Variants in CNTROB observed in about 807,000 individuals in gnomAD.
CNTROB encodes the protein centrobin, centriole duplication and spindle assembly protein.
Under a neutral mutation model 115.7 loss-of-function variants are expected in CNTROB, and 82 were observed. The observed-to-expected ratio is 0.71, with a 90% confidence interval of 0.59 to 0.85. The LOEUF (loss-of-function observed/expected upper bound fraction) is 0.85, where lower values mean the gene tolerates loss of function less well. CNTROB is among the 40% of genes least tolerant of loss of function. The pLI, the probability that CNTROB is intolerant of heterozygous loss-of-function variation, is 0.00. For missense variants in CNTROB, 1,014 were observed against 1,144.4 expected, an observed-to-expected ratio of 0.89 and a Z score of 1.64; for synonymous variants, 439 against 456.4, an observed-to-expected ratio of 0.96 and a Z score of 0.49.
In CNTROB at chr17:7,939,621, C is replaced by T; in HGVS notation, c.1036C>T (p.Arg346Ter). 6.2e-7 allele frequency: 1 copy of T among 1,613,894 alleles called. No individual in the cohort carries two copies. Among genetic ancestry groups the T allele is most frequent in the Non-Finnish European group, 8.5e-7 (1 of 1,179,980 alleles). Residue 346 changes from arginine (R) to a stop codon, truncating the protein, a stop_gained, in exon 8 of 19, where the codon CGA (arginine) becomes TGA (stop). Coordinates refer to ENST00000563694, the MANE Select transcript of CNTROB (RefSeq NM_053051.5). LOFTEE classifies it high-confidence loss of function. This position sits in a 1 kb window ranked among gnomAD's most constrained non-coding sequence, Gnocchi z 4.4. ...TCGGGCTGGGCAACTGAGTGAGCAT[C>T]GAGAGTTGGAGACTCTTCGGGCTGC... The part of the protein sequence containing the change: ...AARAGQLSEH[R>*]ELETLRAALE...
chr17:7,933,089 T>A lies in CNTROB; in HGVS notation c.10T>A (p.Ser4Thr), dbSNP rs1044358176. 16 of 1,613,872 alleles carry A rather than the reference T, an allele frequency of 9.9e-6. No homozygotes were observed. Among genetic ancestry groups the A allele is most frequent in the Non-Finnish European group, 1.4e-5 (16 of 1,179,888 alleles). Residue 4 changes from serine (S) to threonine (T), a missense_variant, in exon 1 of 19, where the codon TCA (serine) becomes ACA (threonine). Transcript: ENST00000563694. The stretch of plus-strand genomic sequence containing the variant: ...TCTCTTCCCTGTATTCATGGCAACA[T>A]CAGCTGACAGCCCCAGTTCACCCCT... MAT[S>T]ADSPSSPLGA... is the part of the protein sequence containing the mutation.
Position 7,933,256 on chromosome 17 carries a change from C to T in CNTROB, c.177C>T (p.Pro59=). ...EATARAQLYL[P]STSPPHEGLD... ...CGGCCCGAGCCCAGCTGTATTTACC[C>T]TCCACCTCCCCGCCTCATGAAGGGT... is the stretch of plus-strand genomic sequence containing the variant. The change falls in exon 1 of 19, where the codon CCC becomes CCT. Residue 59 remains proline (P), a synonymous_variant. Transcript: ENST00000563694. The T allele has an allele frequency of 2.5e-6, 4 of 1,614,242 alleles. No homozygotes were observed. Among genetic ancestry groups the T allele is most frequent in the Non-Finnish European group, 3.4e-6 (4 of 1,180,052 alleles).
rs368312319 is a variant in CNTROB, at chr17:7,947,741, A to C, written c.2145+19A>C. ...GCACCAGGTAAGAGAGATTCCACCC[A>C]GACTAGCTCACTTTCTTCTTCCCTT... On this transcript the variant is annotated intron_variant, in intron 14 of 18. Coordinates refer to ENST00000563694, the MANE Select transcript of CNTROB (RefSeq NM_053051.5). The C allele has an allele frequency of 1.9e-6, 3 of 1,603,288 alleles. No homozygotes were observed. The highest frequency in any genetic ancestry group is 2.7e-5 in the African/African-American group (2 of 74,502).
chr17:7,935,433 C>T (rs966926842), intron 4 of CNTROB, among the ~76,000 whole-genome samples: 8 of 151,396 alleles, frequency 5.3e-5, no homozygotes, highest in African/African-American at 1.2e-4. Context: ...ACCTGGGAGG[C>T]GGAGCTTGCA....
In CNTROB at chr17:7,939,195, C is replaced by T. The variant is rs1023017520; in HGVS notation, c.928-318C>T. Among the ~76,000 whole-genome samples, 1 of 152,120 alleles carries T rather than the reference C, an allele frequency of 6.6e-6. No individual in the cohort carries two copies. Among genetic ancestry groups the T allele is most frequent in the Non-Finnish European group, 1.5e-5 (1 of 68,028 alleles). ...GCAACCTCCACCTCCCAGGTTAGAG[C>T]GATTCTCCTGCCTTTGCCTCCCAAG... On this transcript the variant is annotated intron_variant, in intron 7 of 18. Transcript: ENST00000563694. The surrounding 1 kb of genome is among the most constrained non-coding windows in gnomAD (Gnocchi z 4.4).
In CNTROB at chr17:7,935,053, C is replaced by T. The variant is rs144838552; in HGVS notation, c.502C>T (p.Arg168Cys). Residue 168 changes from arginine to cysteine, a missense_variant, in exon 4 of 19, where the codon CGC (arginine) becomes TGC (cysteine). By Grantham distance (180) the Arg-to-Cys change is radical. Coordinates refer to ENST00000563694, the MANE Select transcript of CNTROB (RefSeq NM_053051.5). ...SAQALEELFP[R>C]YTSLRPGPPL... Reference sequence around the variant, plus strand: ...CCAAGCCCTGGAGGAGCTGTTTCCCCGCTACACCAGCCTTCGGCCAGGGCC... The same window carrying T: ...CCAAGCCCTGGAGGAGCTGTTTCCCTGCTACACCAGCCTTCGGCCAGGGCC... 858 of 1,614,150 alleles carry T rather than the reference C, an allele frequency of 5.3e-4. No individual in the cohort carries two copies. In the African/African-American group the frequency reaches 8.9e-3, roughly 17 times the overall value.
At position 7,933,195 on chromosome 17, in the gene CNTROB, A is replaced by G. The variant is rs370202439; in HGVS notation, c.116A>G (p.Tyr39Cys). 1.3e-5 allele frequency: 21 copies of G among 1,614,108 alleles called. No homozygotes were observed. In the African/African-American group the frequency reaches 2.1e-4, roughly 16 times the overall value. ...QVSSEVTSQL[Y>C]ASLRLSRQAE... Reference sequence around the variant, plus strand: ...TCGTCTGAAGTGACCTCCCAGCTCTATGCTTCTTTGCGCCTCAGCCGGCAG... The same window carrying G: ...TCGTCTGAAGTGACCTCCCAGCTCTGTGCTTCTTTGCGCCTCAGCCGGCAG... The change falls in exon 1 of 19, where the codon TAT becomes TGT. Residue 39 changes from tyrosine (Y) to cysteine (C), a missense_variant. Physicochemically the swap from Tyr to Cys is radical, Grantham distance 194. Coordinates refer to ENST00000563694, the MANE Select transcript of CNTROB (RefSeq NM_053051.5).
At chr17:7,935,620 T>A (rs1304387187) in intron 4 of CNTROB, 2 of 167,172 alleles carry the variant, frequency 1.2e-5, no homozygotes, top group African/African-American at 2.4e-5. Flanking sequence ...CCACCTCCTT[T>A]CCAAGTAGTC....
intron 7 of CNTROB, among the ~76,000 whole-genome samples, chr17:7,937,597 T>G (rs1245341706): frequency 6.6e-6 from 1 of 151,540 alleles, no homozygotes; most frequent in African/African-American, 2.4e-5. Flanking sequence ...AGGTCAGGAG[T>G]TTGAGACCAG....
intron 6 of CNTROB, 47 bp from the exon 7 acceptor site, chr17:7,937,117 C>T: frequency 6.2e-7 from 1 of 1,607,622 alleles, no homozygotes; most frequent in Non-Finnish European, 8.5e-7. Context: ...ATAGCACACA[C>T]AGATTTCCCA....
rs535427845 is a variant in CNTROB, at chr17:7,934,344, G to A, written c.356-121G>A. On this transcript the variant is annotated intron_variant, in intron 2 of 18. Coordinates refer to ENST00000563694, the MANE Select transcript of CNTROB (RefSeq NM_053051.5). ...AGAGATTTCAGGAGAAAAGTCTCCC[G>A]TTCTTTGGGAGAGGGGGTGAAGGAG... 249 of 1,330,324 alleles carry A rather than the reference G, an allele frequency of 1.9e-4. 3 individuals are homozygous for A. In the South Asian group the frequency reaches 2.5e-3, roughly 13 times the overall value. 82.4% of individuals were successfully genotyped at this position (1,330,324 alleles called of 1,614,324 possible).
At position 7,948,617 on chromosome 17, in the gene CNTROB, C is replaced by A; in HGVS notation, c.2511C>A (p.Ser837Arg). ...LLLYLKRLEH[S>R]GTDGRGDNVP... ...TCTACCTGAAGAGGCTGGAACACAG[C>A]GGGTACAAGCCTGGGAGGAAGGAGG... is the stretch of plus-strand genomic sequence containing the variant. The change falls in exon 17 of 19, where the codon AGC becomes AGA. Residue 837 changes from serine (S) to arginine (R), a missense_variant and splice_region_variant. Physicochemically the swap from Ser to Arg is moderately radical, Grantham distance 110 (BLOSUM62 -1). Transcript: ENST00000563694. The surrounding 1 kb of genome is among the most constrained non-coding windows in gnomAD (Gnocchi z 4.4). 6.2e-7 allele frequency: 1 copy of A among 1,614,046 alleles called. No homozygotes were observed. The highest frequency in any genetic ancestry group is 1.7e-5 in the Admixed American group (1 of 60,012).
chr17:7,934,618 C>A, intron 3 of CNTROB, 72 bp downstream of exon 3: 1 of 1,330,214 alleles, frequency 7.5e-7, no homozygotes, highest in Non-Finnish European at 1.1e-6. Flanking sequence ...CCTTATTTCT[C>A]CCTTTATTGC....
At chr17:7,940,541 CAG>C (rs1449550598) in intron 9 of CNTROB, among the ~76,000 whole-genome samples, 2 of 152,180 alleles carry the variant, frequency 1.3e-5, no homozygotes, top group Admixed American at 1.3e-4. Context: ...AGTGGGTTGA[CAG>C]AGCAGGTGAA....
At position 7,932,324 on chromosome 17, in the gene CNTROB, A is replaced by C; in HGVS notation, c.-756A>C. 5.6e-6 allele frequency: 1 copy of C among 178,892 alleles called. No homozygotes were observed. The highest frequency in any genetic ancestry group is 1.2e-5 in the Non-Finnish European group (1 of 83,340). 11.1% of individuals were successfully genotyped at this position (178,892 alleles called of 1,614,324 possible). A position where few individuals can be genotyped will look rare whatever the true frequency, so the allele number is the denominator to read the frequency against. ...TGGCAAATTGGGGACTGAGGACTGG[A>C]AGGGTGGAGAGTAGGCGGAACCAGG... On this transcript the variant is annotated 5_prime_UTR_variant, in exon 1 of 19. Coordinates refer to ENST00000563694, the MANE Select transcript of CNTROB (RefSeq NM_053051.5).
In CNTROB at chr17:7,948,949, C is replaced by T; in HGVS notation, c.2514-136C>T. The stretch of plus-strand genomic sequence containing the variant: ...CGTTATTTACTTCCACTAATGTCTC[C>T]TCCCAGTTGATGCCCAGGTCTATCG... On this transcript the variant is annotated intron_variant, in intron 17 of 18. Coordinates refer to ENST00000563694, the MANE Select transcript of CNTROB (RefSeq NM_053051.5). The surrounding 1 kb of genome is among the most constrained non-coding windows in gnomAD (Gnocchi z 4.4). The T allele has an allele frequency of 6.4e-7, 1 of 1,559,202 alleles. No homozygotes were observed.
At position 7,949,138 on chromosome 17, in the gene CNTROB, G is replaced by A; in HGVS notation, c.2567G>A (p.Gly856Asp). Residue 856 changes from glycine to aspartate, a missense_variant, in exon 18 of 19, where the codon GGT becomes GAT. Physicochemically the swap from Gly to Asp is moderately conservative, Grantham distance 94. Transcript: ENST00000563694. ...AGAAGGAACACAGACTCCCGCTTGGGTGAGATCCCCCGGAAAGAGGTGAGG... is the reference window on the plus strand; with the variant it reads ...AGAAGGAACACAGACTCCCGCTTGGATGAGATCCCCCGGAAAGAGGTGAGG... ...VPRRNTDSRLGEIPRKEIPSQ... is the reference protein window; with the variant it reads ...VPRRNTDSRLDEIPRKEIPSQ... 1 of 1,614,162 alleles carries A rather than the reference G, an allele frequency of 6.2e-7. No individual in the cohort carries two copies. Among genetic ancestry groups the A allele is most frequent in the Non-Finnish European group, 8.5e-7 (1 of 1,180,012 alleles).
Position 7,933,286 on chromosome 17 carries a change from C to G in CNTROB, c.207C>G (p.Asp69Glu). The G allele has an allele frequency of 6.2e-7, 1 of 1,614,226 alleles. No individual in the cohort carries two copies. The highest frequency in any genetic ancestry group is 8.5e-7 in the Non-Finnish European group (1 of 1,180,040). Reference sequence around the variant, plus strand: ...CCTCCCCGCCTCATGAAGGGTTAGACGGCTTCGCCCAAGAATTGAGTCGAA... The same window carrying G: ...CCTCCCCGCCTCATGAAGGGTTAGAGGGCTTCGCCCAAGAATTGAGTCGAA... ...PSTSPPHEGL[D>E]GFAQELSRSL... Residue 69 changes from aspartate (D) to glutamate (E), a missense_variant, in exon 1 of 19, where the codon GAC (aspartate) becomes GAG (glutamate). Transcript: ENST00000563694.
chr17:7,948,440 G>T lies in CNTROB; in HGVS notation c.2381-47G>T, dbSNP rs1172794193. The T allele has an allele frequency of 6.2e-7, 1 of 1,609,936 alleles. No homozygotes were observed. The highest frequency in any genetic ancestry group is 8.5e-7 in the Non-Finnish European group (1 of 1,176,254). ...CTGGGGAAATGGGCTGAGGGCTGGG[G>T]AGACAGGCCCTAGGATGACGCCTGT... On this transcript the variant is annotated intron_variant, in intron 16 of 18. Coordinates refer to ENST00000563694, the MANE Select transcript of CNTROB (RefSeq NM_053051.5). The surrounding 1 kb of genome is among the most constrained non-coding windows in gnomAD (Gnocchi z 4.4).
Sources: allele counts gnomAD v4.1 joint callset (sites outside exome capture counted in the v4.1 genomes callset), GRCh38; gene constraint gnomAD v4.1.1; non-coding constraint Gnocchi (gnomAD v3.1); transcripts MANE v1.5; gene names NCBI Gene and HGNC (gene_info 2026-07-23, HGNC 2026-07-21).